Variants in TBCE observed in about 807,000 individuals in gnomAD.
TBCE encodes tubulin folding cofactor E.
Under a neutral mutation model 77.0 loss-of-function variants are expected in TBCE, and 53 were observed. The ratio of observed to expected loss-of-function variants is 0.69; its 90% confidence interval spans 0.55 to 0.87. The LOEUF (loss-of-function observed/expected upper bound fraction) is 0.87, where lower values mean the gene tolerates loss of function less well. Ranked by LOEUF, TBCE falls within the 40% of genes least tolerant of loss-of-function variation. The probability of loss-of-function intolerance (pLI) is 0.00; values close to 1 mark genes in which losing one functional copy is unlikely to be tolerated. For synonymous variants in TBCE, 235 were observed against 241.3 expected, an observed-to-expected ratio of 0.97 and a Z score of 0.24; for missense variants, 624 against 622.4, an observed-to-expected ratio of 1.00 and a Z score of -0.03.
At chr1:235,418,578 A>G (rs1558375742) in intron 4 of TBCE, 1 of 152,266 alleles carries the variant, frequency 6.6e-6, no homozygotes, top group Non-Finnish European at 1.5e-5. Context: ...TGTGAGTGCG[A>G]GAAGCACTCC....
intron 1 of TBCE, among the ~76,000 whole-genome samples, chr1:235,376,229 A>G (rs1286313755): frequency 6.6e-6 from 1 of 152,172 alleles, no homozygotes; most frequent in Non-Finnish European, 1.5e-5. Flanking sequence ...AGTTACCTAC[A>G]GATGTTAGAT....
intron 8 of TBCE, 88 bp from the exon 9 acceptor site, chr1:235,435,657 T>C (rs1341328580): frequency 2.3e-6 from 3 of 1,286,648 alleles, no homozygotes; most frequent in Non-Finnish European, 3.4e-6. Flanking sequence ...CAGCCCTCCA[T>C]CGCACCAAAT....
intron 2 of TBCE, among the ~76,000 whole-genome samples, chr1:235,391,279 C>T (rs1047905518): frequency 4.6e-5 from 7 of 151,966 alleles, no homozygotes; most frequent in South Asian, 2.1e-4. Context: ...GTCAAGAGTT[C>T]GAGACCAGCC....
rs777445044 is a variant in TBCE, at chr1:235,448,404, T to C, written c.1455T>C (p.Pro485=). 1.4e-5 allele frequency: 22 copies of C among 1,614,098 alleles called. No homozygotes were observed. In the South Asian group the frequency reaches 2.4e-4, roughly 18 times the overall value. The change falls in exon 16 of 17, where the codon CCT becomes CCC. Residue 485 remains proline (P), a synonymous_variant. Coordinates refer to ENST00000642610, the MANE Select transcript of TBCE (RefSeq NM_003193.5). ...KGLLSRLLKV[P]VSDLLLSYES... ...TGCTGTCACGTCTTCTCAAAGTTCC[T>C]GTGTCAGACCTTCTGTTGTCCTATG... is the stretch of plus-strand genomic sequence containing the variant.
At chr1:235,388,335 C>G (rs1288866080) in intron 2 of TBCE, among the ~76,000 whole-genome samples, 1 of 137,836 alleles carries the variant, frequency 7.3e-6, no homozygotes, top group African/African-American at 2.8e-5. Flanking sequence ...GTTGCCCAGG[C>G]TGGAGTGCAA....
At chr1:235,431,929 G>T (rs1324354694) in intron 7 of TBCE, among the ~76,000 whole-genome samples, 1 of 145,752 alleles carries the variant, frequency 6.9e-6, no homozygotes, top group African/African-American at 2.6e-5. Context: ...ACCTCGGCCT[G>T]CTAAAGTCCT....
chr1:235,410,479 ACT>A (rs1422926624), intron 3 of TBCE, among the ~76,000 whole-genome samples: 9 of 151,872 alleles, frequency 5.9e-5, no homozygotes, highest in Admixed American at 4.6e-4. Context: ...ACCAGAGGTC[ACT>A]CTCATCTCCA....
rs1363029124 is a variant in TBCE, at chr1:235,403,315, C to T, written c.185+1728C>T. Among the ~76,000 whole-genome samples the T allele has an allele frequency of 2.6e-5, 4 of 151,982 alleles. No homozygotes were observed. The East Asian group carries it at 5.9e-4, about 22-fold the overall frequency. ...TCCACCTCCCTGGTTCAAGCAATTC[C>T]CCTGCCTCAGCCTCCTGAGTAGCTG... On this transcript the variant is annotated intron_variant, in intron 3 of 16. Coordinates refer to ENST00000642610, the MANE Select transcript of TBCE (RefSeq NM_003193.5).
intron 7 of TBCE, chr1:235,433,059 T>A (rs1404063416): frequency 1.9e-6 from 3 of 1,553,656 alleles, no homozygotes. Flanking sequence ...GCATCATCAG[T>A]GCCAAGGACC....
chr1:235,400,339 T>C (rs1679017335), intron 2 of TBCE, among the ~76,000 whole-genome samples: 2 of 151,926 alleles, frequency 1.3e-5, no homozygotes, highest in Admixed American at 1.3e-4. Flanking sequence ...TCTGGTATAA[T>C]TTTCTTTTTC....
rs1558346841 is a variant in TBCE at position 235,380,162 on chromosome 1, TGTGTGTG to T, written c.100+14_100+20del. On this transcript the variant is annotated intron_variant, in intron 2 of 16. Coordinates refer to ENST00000642610, the MANE Select transcript of TBCE (RefSeq NM_003193.5). Reference sequence around the variant, plus strand: ...CCTCCCGTGGCAGGTAAGCAATTATTGTGTGTGTGTGTGTGTGTGTGTGTGTGTGTGT... The same window carrying T: ...CCTCCCGTGGCAGGTAAGCAATTATTTGTGTGTGTGTGTGTGTGTGTGTGT... 7 of 10,696 alleles carry T rather than the reference TGTGTGTG, an allele frequency of 6.5e-4. No homozygotes were observed. Among genetic ancestry groups the T allele is most frequent in the South Asian group, 5.9e-3 (4 of 676 alleles). 0.7% of individuals were successfully genotyped at this position (10,696 alleles called of 1,614,324 possible). A position where few individuals can be genotyped will look rare whatever the true frequency, so the allele number is the denominator to read the frequency against.
intron 2 of TBCE, among the ~76,000 whole-genome samples, chr1:235,382,672 T>C (rs1481068252): frequency 4.0e-5 from 6 of 151,832 alleles, no homozygotes; most frequent in Admixed American, 2.0e-4. Flanking sequence ...GTTTGTTTTT[T>C]TCTTGTAAAT....
Position 235,448,612 on chromosome 1 carries a change from G to A in TBCE, c.1492-58G>A, listed in dbSNP as rs569013040. ...ACGGGGTGGGGGAAGAGTATGTGTA[G>A]CATGCTTTATCGGATCTGTCTTAAT... On this transcript the variant is annotated intron_variant, in intron 16 of 16. Coordinates refer to ENST00000642610, the MANE Select transcript of TBCE (RefSeq NM_003193.5). 8.1e-6 allele frequency: 12 copies of A among 1,478,654 alleles called. No individual in the cohort carries two copies. The East Asian group carries it at 2.5e-4, about 31-fold the overall frequency. The allele number at this position is 1,478,654 out of a possible 1,614,324, so 91.6% of individuals were successfully genotyped here.
At chr1:235,438,013 A>G (rs532499304) in intron 12 of TBCE, among the ~76,000 whole-genome samples, 2 of 152,082 alleles carry the variant, frequency 1.3e-5, no homozygotes, top group Non-Finnish European at 2.9e-5. Context: ...CACCGTCTCC[A>G]TGTTTTCAGG....
intron 13 of TBCE, 127 bp downstream of exon 13, chr1:235,439,049 T>C: frequency 7.4e-7 from 1 of 1,351,990 alleles, no homozygotes; most frequent in South Asian, 1.2e-5. Context: ...CTTCTTGTAT[T>C]CATCTGAATG....
chr1:235,422,755 G>T (rs918031561), intron 5 of TBCE, among the ~76,000 whole-genome samples: 4 of 152,166 alleles, frequency 2.6e-5, no homozygotes, highest in Admixed American at 1.3e-4. Context: ...CTTGAACCTG[G>T]GAGGCAGAGG....
At chr1:235,444,898 A>C (rs1682141685) in intron 15 of TBCE, among the ~76,000 whole-genome samples, 1 of 152,272 alleles carries the variant, frequency 6.6e-6, no homozygotes, top group Non-Finnish European at 1.5e-5. Flanking sequence ...TAGACCTGCC[A>C]AGGCCTGCCG....
rs779886201 is a variant in TBCE at position 235,373,797 on chromosome 1, CG to C, written c.-31-6221del. On this transcript the variant is annotated intron_variant, in intron 1 of 16. Transcript: ENST00000642610. Reference sequence around the variant, plus strand: ...CCGAGTAGCTGGGACTACAAGCGCCCGCCACCACGCCTGGCTAATTTTTTTG... The same window carrying C: ...CCGAGTAGCTGGGACTACAAGCGCCCCCACCACGCCTGGCTAATTTTTTTG... Among the ~76,000 whole-genome samples, 97 of 145,586 alleles carry C rather than the reference CG, an allele frequency of 6.7e-4. 2 individuals carry two copies. The East Asian group carries it at 0.018, about 27-fold the overall frequency.
intron 4 of TBCE, 105 bp downstream of exon 4, chr1:235,414,723 C>A: frequency 8.7e-7 from 1 of 1,153,418 alleles, no homozygotes; most frequent in Non-Finnish European, 1.3e-6. Flanking sequence ...TGCTCCTAAA[C>A]TGGTTTATGG....
Sources: gnomAD v4.1 joint callset for allele counts (sites outside exome capture counted in the v4.1 genomes callset) on GRCh38, gnomAD v4.1.1 for gene constraint, MANE v1.5 for transcripts, NCBI Gene and HGNC (gene_info 2026-07-23, HGNC 2026-07-21) for gene names.